PRTFDC1: variants seen among roughly 807,000 people sequenced by gnomAD.
The protein encoded by PRTFDC1 is phosphoribosyltransferase domain-containing protein 1.
A neutral mutation model predicts 34.6 loss-of-function variants in PRTFDC1; 38 were observed. That is an observed-to-expected ratio of 1.10 (90% CI 0.85 to 1.44). PRTFDC1 has a LOEUF of 1.44. Ranked by LOEUF, PRTFDC1 falls within the 40% of genes most tolerant of loss-of-function variation. The pLI is 0.00. For synonymous variants in PRTFDC1, 93 were observed against 98.1 expected, an observed-to-expected ratio of 0.95 and a Z score of 0.31; for missense variants, 270 against 283.0, an observed-to-expected ratio of 0.95 and a Z score of 0.33.
At position 24,952,540 on chromosome 10, in the gene PRTFDC1, C is replaced by T; in HGVS notation, c.36G>A (p.Gly12=). The part of the protein sequence containing the change: ...AGSSEEAPDY[G]RGVVIMDDWP... The stretch of plus-strand genomic sequence containing the variant: ...AGTTTGCATTTACCACGACGCCTCG[C>T]CCGTAGTCTGGCGCCTCCTCGCTGC... Residue 12 remains glycine (G), a synonymous_variant, in exon 1 of 9, where the codon GGG becomes GGA. Coordinates refer to ENST00000320152, the MANE Select transcript of PRTFDC1 (RefSeq NM_020200.7). The surrounding 1 kb of genome is among the most constrained non-coding windows in gnomAD (Gnocchi z 5.1). 1 of 1,590,728 alleles carries T rather than the reference C, an allele frequency of 6.3e-7. No individual in the cohort carries two copies. The highest frequency in any genetic ancestry group is 1.3e-5 in the African/African-American group (1 of 74,758).
chr10:24,858,241 G>T, intron 5 of PRTFDC1, 151 bp downstream of exon 5: 2 of 708,768 alleles, frequency 2.8e-6, no homozygotes, highest in South Asian at 2.0e-5. Flanking sequence ...AATCAGGGAC[G>T]CTATCTGGCC....
At chr10:24,948,946 A>T (rs909115543) in intron 1 of PRTFDC1, among the ~76,000 whole-genome samples, 3 of 152,172 alleles carry the variant, frequency 2.0e-5, no homozygotes, top group Non-Finnish European at 4.4e-5. Context: ...GCTGGTTCAA[A>T]TCCCGCTTCT....
chr10:24,890,403 G>A (rs566363796), intron 3 of PRTFDC1, among the ~76,000 whole-genome samples: 1 of 152,198 alleles, frequency 6.6e-6, no homozygotes, highest in Non-Finnish European at 1.5e-5. Context: ...AGCTCCAAAT[G>A]TCAGGCACAT....
intron 6 of PRTFDC1, 114 bp from the exon 7 acceptor site, chr10:24,855,478 C>A: frequency 8.2e-7 from 1 of 1,226,764 alleles, no homozygotes; most frequent in Admixed American, 1.8e-5. Context: ...TACTGTGGCA[C>A]TATATAGATG....
intron 4 of PRTFDC1, among the ~76,000 whole-genome samples, chr10:24,858,709 C>T (rs1421090030): frequency 6.6e-6 from 1 of 152,122 alleles, no homozygotes; most frequent in Non-Finnish European, 1.5e-5. Flanking sequence ...CAAGGGCCTC[C>T]CACCCCCAGC....
At chr10:24,864,658 G>C (rs1269266332) in intron 4 of PRTFDC1, among the ~76,000 whole-genome samples, 2 of 152,156 alleles carry the variant, frequency 1.3e-5, no homozygotes, top group Non-Finnish European at 2.9e-5. Context: ...CTACCATACA[G>C]TATAAACATA....
intron 7 of PRTFDC1, 21 bp from the exon 8 acceptor site, chr10:24,851,485 A>G: frequency 3.1e-6 from 3 of 974,114 alleles, no homozygotes; most frequent in East Asian, 3.7e-5. Context: ...AGAGAAAGAG[A>G]AAAAAAAAAA....
chr10:24,877,225 G>T (rs1464932473), intron 3 of PRTFDC1, among the ~76,000 whole-genome samples: 1 of 151,876 alleles, frequency 6.6e-6, no homozygotes, highest in African/African-American at 2.4e-5. Flanking sequence ...AGTAGAGATT[G>T]GGTCTCACTA....
chr10:24,854,963 G>A (rs560202587), intron 7 of PRTFDC1, among the ~76,000 whole-genome samples: 1 of 152,170 alleles, frequency 6.6e-6, no homozygotes, highest in Non-Finnish European at 1.5e-5. Context: ...GGGATCCTAT[G>A]TGTCTGAGTC....
intron 3 of PRTFDC1, among the ~76,000 whole-genome samples, chr10:24,907,625 A>G (rs1848557933): frequency 6.6e-6 from 1 of 152,144 alleles, no homozygotes. Context: ...TCAAGTATTC[A>G]TCTTAAATCA....
At chr10:24,896,710 T>C (rs969768424) in intron 3 of PRTFDC1, among the ~76,000 whole-genome samples, 3 of 152,206 alleles carry the variant, frequency 2.0e-5, no homozygotes, top group Non-Finnish European at 4.4e-5. Flanking sequence ...GGAAAAATCC[T>C]GAAATGTCCT....
intron 3 of PRTFDC1, among the ~76,000 whole-genome samples, chr10:24,888,795 A>G (rs530015661): frequency 2.2e-4 from 34 of 152,318 alleles, no homozygotes; most frequent in African/African-American, 7.9e-4. Flanking sequence ...ATATACATCA[A>G]TAATGTGGTG....
At chr10:24,886,859 A>G (rs1848175461) in intron 3 of PRTFDC1, among the ~76,000 whole-genome samples, 3 of 151,064 alleles carry the variant, frequency 2.0e-5, no homozygotes. Flanking sequence ...GCCAGGGTCT[A>G]TGTTCCACAC....
intron 3 of PRTFDC1, among the ~76,000 whole-genome samples, chr10:24,895,723 A>ATC (rs1848349303): frequency 7.1e-6 from 1 of 140,128 alleles, no homozygotes; most frequent in African/African-American, 2.6e-5. Context: ...ATATATATAT[A>ATC]TATATCTGTA....
intron 3 of PRTFDC1, 148 bp from the exon 4 acceptor site, chr10:24,872,211 T>A (rs1847882759): frequency 1.5e-6 from 1 of 670,462 alleles, no homozygotes; most frequent in Non-Finnish European, 2.5e-6. Flanking sequence ...TGCCTATGGT[T>A]ACCAAGAGCC....
In PRTFDC1 at chr10:24,858,385, A is replaced by G. The variant is rs1847618358; in HGVS notation, c.423+7T>C. ...CTCCAAGTATGGAAAAGGAAATGCC[A>G]GCTTACCTCAACAATGAGAACATTC... On this transcript the variant is annotated splice_region_variant and intron_variant, in intron 5 of 8. Transcript: ENST00000320152. 2 of 1,612,890 alleles carry G rather than the reference A, an allele frequency of 1.2e-6. No individual in the cohort carries two copies. The highest frequency in any genetic ancestry group is 2.7e-5 in the African/African-American group (2 of 74,920).
intron 3 of PRTFDC1, among the ~76,000 whole-genome samples, chr10:24,929,040 C>CAAAAAAAAAA (rs536613455): frequency 1.4e-5 from 1 of 73,610 alleles, no homozygotes; most frequent in African/African-American, 6.7e-5. Flanking sequence ...GACTCCGTCT[C>CAAAAAAAAAA]AAAAAAAAAA....
At chr10:24,851,728 G>A (rs1847493562) in intron 7 of PRTFDC1, among the ~76,000 whole-genome samples, 1 of 151,838 alleles carries the variant, frequency 6.6e-6, no homozygotes, top group Non-Finnish European at 1.5e-5. Context: ...AAGGGCTCAG[G>A]AAGCCTGGTG....
chr10:24,882,204 C>CAAAAAAAAAAAAAAA (rs10651020), intron 3 of PRTFDC1, among the ~76,000 whole-genome samples: 2 of 107,426 alleles, frequency 1.9e-5, no homozygotes, highest in African/African-American at 3.8e-5. Flanking sequence ...GGATCTGCCT[C>CAAAAAAAAAAAAAAA]AAAAAAAAAA....
Sources: gnomAD v4.1 joint callset for allele counts (sites outside exome capture counted in the v4.1 genomes callset) on GRCh38, gnomAD v4.1.1 for gene constraint, Gnocchi (gnomAD v3.1) non-coding constraint, MANE v1.5 for transcripts, NCBI Gene and HGNC (gene_info 2026-07-23, HGNC 2026-07-21) for gene names.